TMEM144: variants seen among roughly 807,000 people sequenced by gnomAD.
TMEM144 encodes the protein transmembrane protein 144.
TMEM144 carries 39 observed loss-of-function variants against 43.6 expected under a neutral mutation model. The observed-to-expected ratio is 0.90, with a 90% CI of 0.69 to 1.17. The LOEUF is 1.17. Ranked by LOEUF, TMEM144 falls within the 50% of genes most tolerant of loss-of-function variation. The pLI is 0.00. For missense variants in TMEM144, 417 were observed against 411.9 expected, an observed-to-expected ratio of 1.01 and a Z score of -0.11; for synonymous variants, 154 against 133.6, an observed-to-expected ratio of 1.15 and a Z score of -1.06.
intron 12 of TMEM144, among the ~76,000 whole-genome samples, chr4:158,247,025 A>G (rs557502018): frequency 6.6e-6 from 1 of 151,970 alleles, no homozygotes; most frequent in South Asian, 2.1e-4. Context: ...ATCTTTAAAA[A>G]GACACATCAG....
chr4:158,215,363 ATAAT>A, intron 4 of TMEM144, 50 bp downstream of exon 4: 1 of 1,590,346 alleles, frequency 6.3e-7, no homozygotes, highest in Non-Finnish European at 8.6e-7. Flanking sequence ...AATGATAAAA[ATAAT>A]TCTCGTTCAC....
intron 8 of TMEM144, among the ~76,000 whole-genome samples, chr4:158,236,951 T>C (rs984864321): frequency 2.6e-5 from 4 of 152,184 alleles, no homozygotes; most frequent in Non-Finnish European, 5.9e-5. Context: ...CATTTTCTTT[T>C]TTATAAAAAG....
intron 4 of TMEM144, among the ~76,000 whole-genome samples, chr4:158,215,726 A>G (rs1436945652): frequency 6.6e-6 from 1 of 152,326 alleles, no homozygotes; most frequent in East Asian, 1.9e-4. Context: ...TGAAGATACT[A>G]TCATTTCAAA....
intron 6 of TMEM144, among the ~76,000 whole-genome samples, chr4:158,221,679 G>T (rs1372629827): frequency 2.0e-5 from 3 of 152,126 alleles, no homozygotes; most frequent in Non-Finnish European, 4.4e-5. Context: ...TTCCTGGAGG[G>T]TTATGTTTAC....
rs531531886 is a variant in TMEM144 at position 158,253,340 on chromosome 4, C to G, written c.955-104C>G. The G allele has an allele frequency of 1.8e-5, 16 of 911,398 alleles. No homozygotes were observed. In the South Asian group the frequency reaches 2.1e-4, roughly 12 times the overall value. The allele number at this position is 911,398 out of a possible 1,614,324, so 56.5% of individuals were successfully genotyped here. On this transcript the variant is annotated intron_variant, in intron 12 of 12. Transcript: ENST00000296529. ...AAGGGGTAGCAAAAAAGGGTACAGG[C>G]GGCTAGAGCAGATGGTTAGGTCCCT...
At chr4:158,239,612 A>T (rs905059821) in intron 9 of TMEM144, among the ~76,000 whole-genome samples, 5 of 152,150 alleles carry the variant, frequency 3.3e-5, no homozygotes, top group Admixed American at 1.3e-4. Context: ...TTTCATTCAC[A>T]TTCTCACTGT....
chr4:158,234,492 A>T (rs1735238181), intron 7 of TMEM144: 2 of 152,038 alleles, frequency 1.3e-5, no homozygotes, highest in African/African-American at 4.8e-5. Flanking sequence ...GTGAATCAAG[A>T]TCACACCACT....
At chr4:158,223,704 C>T (rs1184477452) in intron 6 of TMEM144, among the ~76,000 whole-genome samples, 2 of 152,210 alleles carry the variant, frequency 1.3e-5, no homozygotes, top group Non-Finnish European at 2.9e-5. Flanking sequence ...AGGATGATGG[C>T]TTCCAGCCTC....
At chr4:158,212,885 C>A in intron 3 of TMEM144, 109 bp downstream of exon 3, 1 of 878,308 alleles carries the variant, frequency 1.1e-6, no homozygotes, top group South Asian at 1.4e-5. Flanking sequence ...GATCTTGATA[C>A]CTAGTGAATA....
chr4:158,249,886 AGG>A (rs1491463635), intron 12 of TMEM144, among the ~76,000 whole-genome samples: 1 of 88,328 alleles, frequency 1.1e-5, no homozygotes, highest in African/African-American at 3.9e-5. Context: ...GCCTACTGCC[AGG>A]TGTGTGTGTG....
At position 158,241,624 on chromosome 4, in the gene TMEM144, T is replaced by G. The variant is rs572173646; in HGVS notation, c.900+18T>G. On this transcript the variant is annotated intron_variant, in intron 11 of 12. Coordinates refer to ENST00000296529, the MANE Select transcript of TMEM144 (RefSeq NM_018342.5). Reference sequence around the variant, plus strand: ...TCACTGCTGTAAGTAGCTGAACTGGTTTTCCTAATTTTCATTTTATAAATG... The same window carrying G: ...TCACTGCTGTAAGTAGCTGAACTGGGTTTCCTAATTTTCATTTTATAAATG... 8.2e-5 allele frequency: 131 copies of G among 1,603,662 alleles called. No individual in the cohort carries two copies. Among genetic ancestry groups the G allele is most frequent in the Middle Eastern group, 3.3e-4 (2 of 6,040 alleles).
chr4:158,224,931 G>T (rs1734687750), intron 6 of TMEM144, among the ~76,000 whole-genome samples: 2 of 152,166 alleles, frequency 1.3e-5, no homozygotes, highest in South Asian at 4.1e-4. Flanking sequence ...ACACAGTTAT[G>T]TTCAACTGGG....
chr4:158,235,193 A>G, intron 7 of TMEM144: 1 of 427,290 alleles, frequency 2.3e-6, no homozygotes, highest in South Asian at 4.4e-5. Context: ...TAGGTGTATC[A>G]CAATAGCCAC....
chr4:158,212,665 A>G lies in TMEM144; in HGVS notation c.-3A>G, dbSNP rs776439294. 1.2e-6 allele frequency: 2 copies of G among 1,605,682 alleles called. No individual in the cohort carries two copies. The highest frequency in any genetic ancestry group is 3.4e-5 in the Admixed American group (2 of 59,140). ...AACCAGCTAACTCATTAAGACTGGA[A>G]TCATGAGCAACAATGGAGCAGACCT... On this transcript the variant is annotated 5_prime_UTR_variant, in exon 3 of 13. Transcript: ENST00000296529.
chr4:158,227,458 A>G (rs1734832381), intron 6 of TMEM144, among the ~76,000 whole-genome samples: 1 of 152,178 alleles, frequency 6.6e-6, no homozygotes, highest in African/African-American at 2.4e-5. Context: ...ACTTTCAATT[A>G]TCAATTACAG....
At chr4:158,220,800 A>G (rs971486909) in intron 6 of TMEM144, among the ~76,000 whole-genome samples, 4 of 152,202 alleles carry the variant, frequency 2.6e-5, no homozygotes, top group Non-Finnish European at 5.9e-5. Flanking sequence ...TACAGTAGGC[A>G]GTGCACCTGA....
At position 158,237,511 on chromosome 4, in the gene TMEM144, A is replaced by T. The variant is rs1293539475; in HGVS notation, c.564-14A>T. 2 of 1,585,056 alleles carry T rather than the reference A, an allele frequency of 1.3e-6. No individual in the cohort carries two copies. The highest frequency in any genetic ancestry group is 1.7e-5 in the Admixed American group (1 of 58,282). ...TTTGAGCCAAGATTAATAGTGATTT[A>T]TTTGTTTTGTAAGGGGCTGCAGTCT... is the stretch of plus-strand genomic sequence containing the variant. On this transcript the variant is annotated splice_polypyrimidine_tract_variant and intron_variant, in intron 8 of 12. Transcript: ENST00000296529.
At chr4:158,239,772 A>G (rs976242283) in intron 9 of TMEM144, among the ~76,000 whole-genome samples, 1 of 152,154 alleles carries the variant, frequency 6.6e-6, no homozygotes, top group Admixed American at 6.5e-5. Flanking sequence ...ACTAGCCTTT[A>G]GTTTTGATTA....
At chr4:158,223,274 T>C (rs1186972257) in intron 6 of TMEM144, among the ~76,000 whole-genome samples, 2 of 152,222 alleles carry the variant, frequency 1.3e-5, no homozygotes, top group Non-Finnish European at 2.9e-5. Flanking sequence ...GAATTGTGTA[T>C]GCATTCTCAT....
Sources: gnomAD v4.1 joint callset for allele counts (sites outside exome capture counted in the v4.1 genomes callset) on GRCh38, gnomAD v4.1.1 for gene constraint, MANE v1.5 for transcripts, NCBI Gene and HGNC (gene_info 2026-07-23, HGNC 2026-07-21) for gene names.